TBC1D5: variants seen among roughly 807,000 people sequenced by gnomAD.
TBC1D5 encodes TBC1 domain family member 5.
In TBC1D5, 75 loss-of-function variants were observed where a neutral mutation model predicts 100.3. That is an observed-to-expected ratio of 0.75 (90% confidence interval 0.62 to 0.91). TBC1D5 has a LOEUF of 0.91. Among genes scored for constraint, TBC1D5 ranks in the 40% least tolerant of loss-of-function variants. The pLI is 0.00. For missense variants in TBC1D5, 910 were observed against 942.4 expected (o/e 0.97, Z 0.45); for synonymous variants, 323 against 325.6 (o/e 0.99, Z 0.09).
intron 18 of TBC1D5, among the ~76,000 whole-genome samples, chr3:17,198,611 T>C (rs1402333561): frequency 6.6e-6 from 1 of 152,154 alleles, no homozygotes; most frequent in Non-Finnish European, 1.5e-5. Flanking sequence ...CTAGAAGACA[T>C]GGTCATTCTC....
intron 2 of TBC1D5, among the ~76,000 whole-genome samples, chr3:17,608,123 G>T (rs1180599805): frequency 6.6e-6 from 1 of 152,172 alleles, no homozygotes; most frequent in Non-Finnish European, 1.5e-5. Context: ...CAGGCATGGT[G>T]GCGCGTGCCT....
At chr3:17,352,618 C>T (rs2090735822) in intron 13 of TBC1D5, among the ~76,000 whole-genome samples, 1 of 118,340 alleles carries the variant, frequency 8.5e-6, no homozygotes, top group East Asian at 2.6e-4. Flanking sequence ...GAACAGAAGA[C>T]AAATAACAGA....
chr3:17,430,187 G>A (rs941148533), intron 3 of TBC1D5, among the ~76,000 whole-genome samples: 3 of 151,594 alleles, frequency 2.0e-5, no homozygotes, highest in African/African-American at 7.3e-5. Context: ...TACAACACAT[G>A]TTATTTAACA....
chr3:17,474,519 AAAAAT>A (rs1444769909), intron 3 of TBC1D5, among the ~76,000 whole-genome samples: 1 of 152,166 alleles, frequency 6.6e-6, no homozygotes, highest in Non-Finnish European at 1.5e-5. Flanking sequence ...CCAAAAGGAA[AAAAAT>A]AAAGCTGATA....
At chr3:17,541,282 T>C (rs1479296302) in intron 2 of TBC1D5, among the ~76,000 whole-genome samples, 2 of 151,968 alleles carry the variant, frequency 1.3e-5, no homozygotes, top group Non-Finnish European at 2.9e-5. Flanking sequence ...ATCATAACAA[T>C]AGTAAGTCTT....
intron 2 of TBC1D5, among the ~76,000 whole-genome samples, chr3:17,531,549 G>A (rs1455981666): frequency 6.2e-4 from 95 of 152,198 alleles, no homozygotes; most frequent in Non-Finnish European, 1.0e-3. Flanking sequence ...CCAAAAGAAC[G>A]AAGCTGGAGG....
At chr3:17,597,475 T>G (rs1431196646) in intron 2 of TBC1D5, among the ~76,000 whole-genome samples, 1 of 152,208 alleles carries the variant, frequency 6.6e-6, no homozygotes, top group African/African-American at 2.4e-5. Flanking sequence ...CCATTTAGTC[T>G]TAACCATTAC....
chr3:17,355,295 T>G (rs371293279), intron 13 of TBC1D5, among the ~76,000 whole-genome samples: 1 of 152,160 alleles, frequency 6.6e-6, no homozygotes, highest in Non-Finnish European at 1.5e-5. Flanking sequence ...TTGTTCTATT[T>G]ATGGCACTCT....
intron 2 of TBC1D5, among the ~76,000 whole-genome samples, chr3:17,535,560 A>C (rs1322556124): frequency 1.3e-5 from 2 of 152,126 alleles, no homozygotes; most frequent in East Asian, 3.8e-4. Context: ...AGAGGTTTCT[A>C]TCTTGGCCTA....
At chr3:17,370,776 C>T (rs2092411070) in intron 13 of TBC1D5, among the ~76,000 whole-genome samples, 1 of 152,104 alleles carries the variant, frequency 6.6e-6, no homozygotes, top group South Asian at 2.1e-4. Flanking sequence ...ACAGACCCTG[C>T]TCTGGGTGAC....
At chr3:17,559,195 G>C (rs1215133550) in intron 2 of TBC1D5, among the ~76,000 whole-genome samples, 1 of 151,970 alleles carries the variant, frequency 6.6e-6, no homozygotes, top group African/African-American at 2.4e-5. Context: ...CCAGGCTGGA[G>C]TGCAGTGGCA....
intron 19 of TBC1D5, among the ~76,000 whole-genome samples, chr3:17,179,800 T>C (rs2068235225): frequency 6.6e-6 from 1 of 152,226 alleles, no homozygotes; most frequent in African/African-American, 2.4e-5. Context: ...GTATGACTCA[T>C]CAATGAAAGG....
intron 4 of TBC1D5, among the ~76,000 whole-genome samples, chr3:17,418,601 T>TA (rs544718817): frequency 0.034 from 4,613 of 136,094 alleles, 154 homozygotes; most frequent in African/African-American, 0.096. Context: ...CCCCATCTAA[T>TA]AAAAAAAAAA....
In TBC1D5 at chr3:17,464,901, T is replaced by C. The variant is rs970570514; in HGVS notation, c.98-36382A>G. ...ACAGTATTCTGTGACACATGAAAATTATATAAAATTCATATTTGAGTGATC... is the reference window on the plus strand; with the variant it reads ...ACAGTATTCTGTGACACATGAAAATCATATAAAATTCATATTTGAGTGATC... On this transcript the variant is annotated intron_variant, in intron 3 of 21. Coordinates refer to ENST00000253692, the Ensembl canonical transcript of TBC1D5. 2.6e-5 allele frequency among the ~76,000 whole-genome samples: 4 copies of C among 151,980 alleles called. No individual in the cohort carries two copies. The South Asian group carries it at 8.3e-4, about 32-fold the overall frequency.
chr3:17,580,272 T>G (rs2096685276), intron 2 of TBC1D5, among the ~76,000 whole-genome samples: 1 of 152,206 alleles, frequency 6.6e-6, no homozygotes, highest in South Asian at 2.1e-4. Flanking sequence ...ACTGTATGCC[T>G]TAATTCCATT....
intron 4 of TBC1D5, among the ~76,000 whole-genome samples, chr3:17,421,510 A>C (rs1434207326): frequency 6.6e-6 from 1 of 152,226 alleles, no homozygotes; most frequent in Non-Finnish European, 1.5e-5. Flanking sequence ...GAACTAGAAA[A>C]AAAAATTAAC....
intron 13 of TBC1D5, among the ~76,000 whole-genome samples, chr3:17,368,399 G>T (rs551149409): frequency 6.6e-6 from 1 of 151,990 alleles, no homozygotes; most frequent in East Asian, 1.9e-4. Flanking sequence ...TGGAAAAACT[G>T]GTTTTAAAAA....
chr3:17,723,489 G>A (rs1426090284), intron 1 of TBC1D5, among the ~76,000 whole-genome samples: 1 of 152,100 alleles, frequency 6.6e-6, no homozygotes, highest in Non-Finnish European at 1.5e-5. Flanking sequence ...TAAAAGTACT[G>A]CCAAACAGTA....
chr3:17,489,494 C>A (rs557122447), intron 3 of TBC1D5, among the ~76,000 whole-genome samples: 2 of 152,262 alleles, frequency 1.3e-5, no homozygotes, highest in East Asian at 3.9e-4. Flanking sequence ...GTCACTACCC[C>A]CAAGCCTCCA....
Sources: allele counts gnomAD v4.1 joint callset (sites outside exome capture counted in the v4.1 genomes callset), GRCh38; gene constraint gnomAD v4.1.1; transcripts MANE v1.5; gene names NCBI Gene and HGNC (gene_info 2026-07-23, HGNC 2026-07-21).